BICC1: variants seen among roughly 807,000 people sequenced by gnomAD.
BICC1 encodes the protein BicC family RNA binding protein 1, also known as protein bicaudal C homolog 1.
BICC1 carries 43 observed loss-of-function variants against 111.0 expected under a neutral mutation model. The observed-to-expected ratio is 0.39, with a 90% CI of 0.30 to 0.50. The LOEUF is 0.50. Among genes scored for constraint, BICC1 ranks in the 20% least tolerant of loss-of-function variants. The pLI is 0.88. For synonymous variants in BICC1, 467 were observed against 434.4 expected (o/e 1.07, Z -0.93); for missense variants, 1,091 against 1,203.2 (o/e 0.91, Z 1.38).
At chr10:58,821,362 A>G (rs1335668574) in intron 20 of BICC1, among the ~76,000 whole-genome samples, 3 of 152,294 alleles carry the variant, frequency 2.0e-5, no homozygotes, top group East Asian at 1.9e-4. Context: ...TTTGCAGGCT[A>G]TGCCTCAGTG....
At chr10:58,814,503 A>G (rs1162342178) in intron 18 of BICC1, among the ~76,000 whole-genome samples, 1 of 151,930 alleles carries the variant, frequency 6.6e-6, no homozygotes, top group African/African-American at 2.4e-5. Context: ...GGTTGAGGCC[A>G]GGCATGGCAG....
chr10:58,796,636 G>A (rs1589147724), intron 10 of BICC1, 110 bp downstream of exon 10: 1 of 1,062,806 alleles, frequency 9.4e-7, no homozygotes, highest in Non-Finnish European at 1.3e-6. Flanking sequence ...TTTTTCCTTT[G>A]GGCTCTAAGA....
At chr10:58,552,876 C>T (rs1167456120) in intron 1 of BICC1, among the ~76,000 whole-genome samples, 1 of 152,120 alleles carries the variant, frequency 6.6e-6, no homozygotes, top group Non-Finnish European at 1.5e-5. Flanking sequence ...GGGCTTTCCT[C>T]ACAATGATAT....
Position 58,784,589 on chromosome 10 carries a change from C to A in BICC1, c.308-412C>A, listed in dbSNP as rs187740605. ...GTGCTTTAGTTTCCTCTGTAAACAACGTCATGAATCTGTGCTGTGGATTAA... is the reference window on the plus strand; with the variant it reads ...GTGCTTTAGTTTCCTCTGTAAACAAAGTCATGAATCTGTGCTGTGGATTAA... On this transcript the variant is annotated intron_variant, in intron 3 of 20. Transcript: ENST00000373886. Among the ~76,000 whole-genome samples the A allele has an allele frequency of 3.8e-3, 578 of 152,174 alleles. 5 individuals are homozygous for A. Among genetic ancestry groups the A allele is most frequent in the African/African-American group, 0.013 (541 of 41,506 alleles).
At chr10:58,523,851 CAA>C (rs1842458927) in intron 1 of BICC1, among the ~76,000 whole-genome samples, 1 of 152,206 alleles carries the variant, frequency 6.6e-6, no homozygotes, top group Admixed American at 6.5e-5. Flanking sequence ...ACAACTTCAG[CAA>C]AGTCTTAGGA....
At chr10:58,656,524 G>T (rs531613685) in intron 2 of BICC1, among the ~76,000 whole-genome samples, 88 of 149,560 alleles carry the variant, frequency 5.9e-4, no homozygotes, top group Admixed American at 2.9e-3. Flanking sequence ...CTTCATCCCT[G>T]GGATGCAAGG....
intron 2 of BICC1, among the ~76,000 whole-genome samples, chr10:58,681,863 C>CT (rs1212828357): frequency 2.2e-5 from 3 of 139,038 alleles, no homozygotes; most frequent in South Asian, 4.5e-4. Context: ...ACAGCTCTCT[C>CT]TTTCTTTTTT....
At chr10:58,788,255 TACCTCTGTATTTGTCCCTGGATG>T in intron 5 of BICC1, 92 bp from the exon 6 acceptor site, 1 of 704,184 alleles carries the variant, frequency 1.4e-6, no homozygotes, top group Non-Finnish European at 2.4e-6. Flanking sequence ...TTCTGGATAA[TACCTCTGTATTTGTCCCTGGATG>T]ACACTTTTAG....
At chr10:58,793,745 G>T in intron 9 of BICC1, 130 bp downstream of exon 9, 2 of 978,412 alleles carry the variant, frequency 2.0e-6, no homozygotes, top group South Asian at 1.7e-5. Flanking sequence ...TCCCCAATCC[G>T]GAATGCTCCA....
chr10:58,650,173 A>T (rs1838401768), intron 2 of BICC1: 1 of 152,186 alleles, frequency 6.6e-6, no homozygotes, highest in South Asian at 2.1e-4. Flanking sequence ...GAACAGTGCC[A>T]TTCCTAATGT....
Position 58,803,233 on chromosome 10 carries a change from C to G in BICC1, c.2172C>G (p.Val724=), listed in dbSNP as rs749614866. The change falls in exon 15 of 21, where the codon GTC becomes GTG. Residue 724 remains valine, a synonymous_variant. Transcript: ENST00000373886. ...ACCTTGCTCCACGGTCATCATATGTCAACATGCAGGTAATGGTAATAAAAT... is the reference window on the plus strand; with the variant it reads ...ACCTTGCTCCACGGTCATCATATGTGAACATGCAGGTAATGGTAATAAAAT... ...RAHLAPRSSY[V]NMQAFDYEQK... 1.5e-5 allele frequency: 24 copies of G among 1,597,468 alleles called. No individual in the cohort carries two copies. The highest frequency in any genetic ancestry group is 2.0e-5 in the Non-Finnish European group (24 of 1,172,030).
rs1285312996 is a variant in BICC1, at chr10:58,828,804, A to G, written c.2838A>G (p.Ala946=). 6.2e-6 allele frequency: 10 copies of G among 1,613,858 alleles called. No individual in the cohort carries two copies. In the East Asian group the frequency reaches 2.0e-4, roughly 32 times the overall value. ...NRRKLFESPN[A]RTSFLEGGAS... ...GAAAGCTTTTTGAATCGCCAAATGC[A>G]CGCACCTCTTTCCTGGAAGGTGGAG... Residue 946 remains alanine, a synonymous_variant, in exon 21 of 21, where the codon GCA becomes GCG. Transcript: ENST00000373886.
At chr10:58,794,175 G>A (rs1356043762) in intron 9 of BICC1, among the ~76,000 whole-genome samples, 1 of 149,126 alleles carries the variant, frequency 6.7e-6, no homozygotes, top group Non-Finnish European at 1.5e-5. Context: ...TTGTGTGTGT[G>A]TGTGTGTGTG....
intron 3 of BICC1, among the ~76,000 whole-genome samples, chr10:58,755,123 G>GTT (rs3999628): frequency 0.23 from 35,017 of 151,890 alleles, 4,671 homozygotes; most frequent in East Asian, 0.46. Context: ...ATTTTTCTTT[G>GTT]TTTTTTGTTT....
intron 19 of BICC1, among the ~76,000 whole-genome samples, chr10:58,819,860 A>G (rs1354294460): frequency 1.3e-5 from 2 of 152,154 alleles, no homozygotes; most frequent in Non-Finnish European, 2.9e-5. Flanking sequence ...TAGTTCCTGC[A>G]AATACTTCTT....
chr10:58,716,404 T>G (rs1840742120), intron 3 of BICC1: 1 of 1,048,358 alleles, frequency 9.5e-7, no homozygotes, highest in South Asian at 1.7e-5. Flanking sequence ...TTTAGAATTA[T>G]TCCTGGACTA....
intron 3 of BICC1, among the ~76,000 whole-genome samples, chr10:58,714,151 G>C (rs1351073537): frequency 6.6e-6 from 1 of 152,198 alleles, no homozygotes; most frequent in Non-Finnish European, 1.5e-5. Context: ...AACTAGAGGT[G>C]TGGGCTTATT....
At chr10:58,743,772 C>A (rs200298159) in intron 3 of BICC1, among the ~76,000 whole-genome samples, 1 of 45,584 alleles carries the variant, frequency 2.2e-5, no homozygotes, top group Non-Finnish European at 4.0e-5. Context: ...TAATAGTTTT[C>A]TTTTCTTTTT....
intron 1 of BICC1, among the ~76,000 whole-genome samples, chr10:58,619,002 A>G (rs978160768): frequency 8.0e-6 from 1 of 124,240 alleles, no homozygotes; most frequent in Admixed American, 8.8e-5. Context: ...CTTTGTTGTC[A>G]TGTATCCATC....
Sources: gnomAD v4.1 joint callset for allele counts (sites outside exome capture counted in the v4.1 genomes callset) on GRCh38, gnomAD v4.1.1 for gene constraint, MANE v1.5 for transcripts, NCBI Gene and HGNC (gene_info 2026-07-23, HGNC 2026-07-21) for gene names.